NUGGC: variants seen among roughly 807,000 people sequenced by gnomAD.
NUGGC encodes nuclear GTPase, germinal center associated, also known as nuclear GTPase SLIP-GC.
A neutral mutation model predicts 92.6 loss-of-function variants in NUGGC; 58 were observed. The observed-to-expected ratio is 0.63, with a 90% CI of 0.51 to 0.78. NUGGC has a LOEUF of 0.78. Among genes scored for constraint, NUGGC ranks in the 30% least tolerant of loss-of-function variants. The pLI, the probability that NUGGC is intolerant of heterozygous loss-of-function variation, is 0.00. For missense variants in NUGGC, 925 were observed against 964.6 expected, an observed-to-expected ratio of 0.96 and a Z score of 0.54; for synonymous variants, 376 against 366.4, an observed-to-expected ratio of 1.03 and a Z score of -0.30.
At position 28,041,138 on chromosome 8, in the gene NUGGC, C is replaced by A; in HGVS notation, c.1524G>T (p.Gln508His). 1.2e-6 allele frequency: 2 copies of A among 1,610,340 alleles called. No homozygotes were observed. The highest frequency in any genetic ancestry group is 1.7e-6 in the Non-Finnish European group (2 of 1,178,574). Residue 508 changes from glutamine to histidine, a missense_variant, in exon 13 of 19, where the codon CAG becomes CAT. Coordinates refer to ENST00000413272, the MANE Select transcript of NUGGC (RefSeq NM_001010906.2). ...KVELLEKAIA[Q>H]CFACMEQPLQ... is the part of the protein sequence containing the mutation. ...GAGGCTGCTCCATGCAGGCGAAGCACTGTGCGATGGCCTTCTCCAGCAGCT... is the reference window on the plus strand; with the variant it reads ...GAGGCTGCTCCATGCAGGCGAAGCAATGTGCGATGGCCTTCTCCAGCAGCT...
intron 10 of NUGGC, among the ~76,000 whole-genome samples, chr8:28,049,781 G>A (rs778367747): frequency 6.6e-6 from 1 of 152,174 alleles, no homozygotes; most frequent in East Asian, 1.9e-4. Flanking sequence ...AGGAGAAAAC[G>A]TGGAAGCTCA....
At chr8:28,043,035 C>G (rs773207004) in intron 12 of NUGGC, among the ~76,000 whole-genome samples, 1 of 152,160 alleles carries the variant, frequency 6.6e-6, no homozygotes, top group African/African-American at 2.4e-5. Context: ...TCATTTTCAC[C>G]ATTAAGAATT....
At chr8:28,039,950 G>C (rs894790547) in intron 13 of NUGGC, among the ~76,000 whole-genome samples, 2 of 152,180 alleles carry the variant, frequency 1.3e-5, no homozygotes, top group Non-Finnish European at 2.9e-5. Flanking sequence ...TCTGACAGGT[G>C]TGGTGTCCTT....
rs1585554077 is a variant in NUGGC at position 28,030,618 on chromosome 8, C to T, written c.1909-200G>A. ...AAGCATCTTTATACCCCAAGTGCTT[C>T]CCATGGTGCCTGGCACCTACAAACT... On this transcript the variant is annotated intron_variant, in intron 15 of 18. Transcript: ENST00000413272. 2.6e-5 allele frequency among the ~76,000 whole-genome samples: 4 copies of T among 152,284 alleles called. No individual in the cohort carries two copies. The East Asian group carries it at 7.7e-4, about 29-fold the overall frequency.
intron 1 of NUGGC, among the ~76,000 whole-genome samples, chr8:28,082,661 G>T (rs1810879419): frequency 6.6e-6 from 1 of 152,170 alleles, no homozygotes; most frequent in African/African-American, 2.4e-5. Context: ...CCAGCACTTT[G>T]GGAGGCTGAG....
chr8:28,023,543 C>T (rs1809174110), intron 18 of NUGGC, 81 bp from the exon 19 acceptor site: 2 of 1,370,448 alleles, frequency 1.5e-6, no homozygotes, highest in East Asian at 2.3e-5. Flanking sequence ...CCCAACAATC[C>T]TGTCACTTGT....
chr8:28,079,522 C>T (rs1482687233), intron 1 of NUGGC, among the ~76,000 whole-genome samples: 1 of 152,026 alleles, frequency 6.6e-6, no homozygotes, highest in African/African-American at 2.4e-5. Flanking sequence ...GGCAACAAAG[C>T]GAGATTTCGT....
In NUGGC at chr8:28,033,828, T is replaced by C. The variant is rs541379868; in HGVS notation, c.1612-131A>G. On this transcript the variant is annotated intron_variant, in intron 13 of 18. Transcript: ENST00000413272. ...GTGTAGAGACAACATGCTCTTTAAA[T>C]ATATGATTAAACTAAAAGAGGGAGG... 3.4e-5 allele frequency: 28 copies of C among 834,960 alleles called. 1 individual carries two copies. In the South Asian group the frequency reaches 3.8e-4, roughly 11 times the overall value. 51.7% of individuals were successfully genotyped at this position (834,960 alleles called of 1,614,324 possible). A position where few individuals can be genotyped will look rare whatever the true frequency, so the allele number is the denominator to read the frequency against.
At chr8:28,037,366 G>A (rs926745844) in intron 13 of NUGGC, among the ~76,000 whole-genome samples, 1 of 152,098 alleles carries the variant, frequency 6.6e-6, no homozygotes, top group Non-Finnish European at 1.5e-5. Context: ...GGCAGCTTCT[G>A]GCTCCCACAT....
At chr8:28,069,408 A>G (rs1810529068) in intron 4 of NUGGC, 136 bp downstream of exon 4, 1 of 596,388 alleles carries the variant, frequency 1.7e-6, no homozygotes, top group Non-Finnish European at 3.0e-6. Flanking sequence ...CAACTATCCC[A>G]TAGCTACAGA....
intron 10 of NUGGC, among the ~76,000 whole-genome samples, chr8:28,048,316 C>A (rs1243989449): frequency 6.6e-6 from 1 of 152,158 alleles, no homozygotes; most frequent in Non-Finnish European, 1.5e-5. Flanking sequence ...GTATCCCCCT[C>A]CAAAATTCAA....
At chr8:28,067,482 T>G in intron 6 of NUGGC, 32 bp downstream of exon 6, 58 of 1,402,470 alleles carry the variant, frequency 4.1e-5, no homozygotes, top group Middle Eastern at 1.7e-4. Flanking sequence ...AGACCCAGGA[T>G]GAAATCAAGG....
In NUGGC at chr8:28,022,009, A is replaced by T. The variant is rs187545263; in HGVS notation, c.*1308T>A. 1 of 152,376 alleles carries T rather than the reference A, an allele frequency of 6.6e-6. No individual in the cohort carries two copies. The highest frequency in any genetic ancestry group is 2.4e-5 in the African/African-American group (1 of 41,562). The allele number at this position is 152,376 out of a possible 1,614,324, so 9.4% of individuals were successfully genotyped here. A position where few individuals can be genotyped will look rare whatever the true frequency, so the allele number is the denominator to read the frequency against. ...TTTTGCAATGTTTTCCATAATACTTAAGTTTTTCAACGTTTAGATATTTTT... is the reference window on the plus strand; with the variant it reads ...TTTTGCAATGTTTTCCATAATACTTTAGTTTTTCAACGTTTAGATATTTTT... On this transcript the variant is annotated 3_prime_UTR_variant, in exon 19 of 19. Coordinates refer to ENST00000413272, the MANE Select transcript of NUGGC (RefSeq NM_001010906.2).
At position 28,033,671 on chromosome 8, in the gene NUGGC, A is replaced by C; in HGVS notation, c.1638T>G (p.His546Gln). 6.2e-7 allele frequency: 1 copy of C among 1,614,000 alleles called. No individual in the cohort carries two copies. Among genetic ancestry groups the C allele is most frequent in the Non-Finnish European group, 8.5e-7 (1 of 1,179,874 alleles). ...LVRSKGNQGF[H>Q]QTLKAVCLKN... ...TCAGGCAAACAGCTTTCAGGGTCTG[A>C]TGAAAACCTTGGTTTCCTTTACTCC... The change falls in exon 14 of 19, where the codon CAT becomes CAG. Residue 546 changes from histidine to glutamine, a missense_variant. Transcript: ENST00000413272.
intron 17 of NUGGC, among the ~76,000 whole-genome samples, chr8:28,028,943 C>G (rs1211692530): frequency 6.6e-6 from 1 of 152,154 alleles, no homozygotes; most frequent in Admixed American, 6.5e-5. Context: ...CTGGTTGATA[C>G]ATCTCCCGCT....
At chr8:28,035,599 G>C (rs1809534700) in intron 13 of NUGGC, among the ~76,000 whole-genome samples, 1 of 152,138 alleles carries the variant, frequency 6.6e-6, no homozygotes, top group Non-Finnish European at 1.5e-5. Flanking sequence ...TGACCCAAGA[G>C]CCACCATGGA....
intron 17 of NUGGC, 92 bp from the exon 18 acceptor site, chr8:28,027,144 G>T: frequency 9.6e-7 from 1 of 1,038,664 alleles, no homozygotes; most frequent in Non-Finnish European, 1.5e-6. Context: ...CCCCAGCCAC[G>T]GAAGGTACAG....
At chr8:28,045,409 C>CT (rs1797369689) in intron 12 of NUGGC, 118 bp downstream of exon 12, 5 of 953,962 alleles carry the variant, frequency 5.2e-6, no homozygotes, top group Admixed American at 3.0e-5. Flanking sequence ...ACTCACTGAA[C>CT]TTCATATCTT....
intron 12 of NUGGC, 92 bp from the exon 13 acceptor site, chr8:28,041,307 C>T (rs1585565428): frequency 4.8e-6 from 6 of 1,260,372 alleles, no homozygotes; most frequent in Non-Finnish European, 6.6e-6. Flanking sequence ...GTCACCAGCT[C>T]AAGATTCAGC....
Sources: gnomAD v4.1 joint callset for allele counts (sites outside exome capture counted in the v4.1 genomes callset) on GRCh38, gnomAD v4.1.1 for gene constraint, MANE v1.5 for transcripts, NCBI Gene and HGNC (gene_info 2026-07-23, HGNC 2026-07-21) for gene names.